The following ATG7 variants were observed in gnomAD, a reference collection of about 807,000 sequenced individuals.
ATG7 encodes ubiquitin-like modifier-activating enzyme ATG7.
A neutral mutation model predicts 82.4 loss-of-function variants in ATG7; 70 were observed. The observed-to-expected ratio is 0.85, with a 90% CI of 0.70 to 1.04. The LOEUF (loss-of-function observed/expected upper bound fraction) is 1.04. Among genes scored for constraint, ATG7 ranks in the 50% least tolerant of loss-of-function variants. The probability of loss-of-function intolerance (pLI) is 0.00; values close to 1 mark genes in which losing one functional copy is unlikely to be tolerated. For missense variants in ATG7, 792 were observed against 864.3 expected (o/e 0.92, Z 1.05); for synonymous variants, 287 against 313.0 (o/e 0.92, Z 0.88).
intron 5 of ATG7, among the ~76,000 whole-genome samples, chr3:11,300,644 A>G (rs536431067): frequency 6.6e-6 from 1 of 152,328 alleles, no homozygotes; most frequent in South Asian, 2.1e-4. Context: ...GAAAGAGAAT[A>G]AAGATAGTCT....
chr3:11,306,219 A>G (rs756309774), intron 5 of ATG7, among the ~76,000 whole-genome samples: 10 of 152,236 alleles, frequency 6.6e-5, no homozygotes, highest in Non-Finnish European at 1.2e-4. Flanking sequence ...GACAACCGTC[A>G]GGGGCTTGCC....
At chr3:11,352,314 G>A (rs1262866257) in intron 14 of ATG7, among the ~76,000 whole-genome samples, 1 of 152,190 alleles carries the variant, frequency 6.6e-6, no homozygotes, top group African/African-American at 2.4e-5. Flanking sequence ...ATAAACATAT[G>A]TGTGCATGTG....
At chr3:11,554,626 C>T (rs184016720) in intron 20 of ATG7, among the ~76,000 whole-genome samples, 185 bp from the exon 21 acceptor site, 42 of 152,296 alleles carry the variant, frequency 2.8e-4, no homozygotes, top group Non-Finnish European at 4.6e-4. Flanking sequence ...GGTTCACACA[C>T]TAGTGACGCC....
intron 3 of ATG7, among the ~76,000 whole-genome samples, chr3:11,298,179 A>T (rs1205548227): frequency 4.3e-5 from 6 of 139,248 alleles, no homozygotes; most frequent in East Asian, 2.2e-4. Context: ...CATCTCAATT[A>T]AAAAAAAAAA....
Position 11,555,175 on chromosome 3 carries a change from A to G in ATG7, c.*332A>G, listed in dbSNP as rs1387897348. On this transcript the variant is annotated 3_prime_UTR_variant, in exon 21 of 21. Coordinates refer to ENST00000693202, the MANE Select transcript of ATG7 (RefSeq NM_001349232.2). Reference sequence around the variant, plus strand: ...CCCTTGGCCCTGAGGGGGTGACCCAACACAGACCAAATGGGGAAATGAGCA... The same window carrying G: ...CCCTTGGCCCTGAGGGGGTGACCCAGCACAGACCAAATGGGGAAATGAGCA... 1 of 311,326 alleles carries G rather than the reference A, an allele frequency of 3.2e-6. No homozygotes were observed. The highest frequency in any genetic ancestry group is 5.9e-6 in the Non-Finnish European group (1 of 169,586). The allele number at this position is 311,326 out of a possible 1,614,324, so 19.3% of individuals were successfully genotyped here.
At chr3:11,426,956 A>G (rs559304663) in intron 20 of ATG7, 30 bp downstream of exon 20, 1 of 1,550,200 alleles carries the variant, frequency 6.5e-7, no homozygotes, top group Non-Finnish European at 8.7e-7. Flanking sequence ...TCTGTAGTGA[A>G]GACTGACATG....
intron 19 of ATG7, among the ~76,000 whole-genome samples, chr3:11,388,652 T>C (rs2078513130): frequency 6.6e-6 from 1 of 151,958 alleles, no homozygotes; most frequent in Non-Finnish European, 1.5e-5. Context: ...ATGGTCTGGA[T>C]CTCCTGACCT....
At chr3:11,379,372 T>C (rs908587226) in intron 18 of ATG7, among the ~76,000 whole-genome samples, 1 of 152,234 alleles carries the variant, frequency 6.6e-6, no homozygotes, top group Non-Finnish European at 1.5e-5. Context: ...GCTGATACTC[T>C]GGAAATGTAA....
intron 3 of ATG7, among the ~76,000 whole-genome samples, chr3:11,291,355 T>A (rs1396127788): frequency 6.6e-6 from 1 of 152,206 alleles, no homozygotes; most frequent in African/African-American, 2.4e-5. Context: ...TTTTTTAGCA[T>A]GTGTGAGGCT....
intron 18 of ATG7, among the ~76,000 whole-genome samples, chr3:11,379,268 AGCTTAAAGCTCCCCCT>A (rs1251320326): frequency 6.6e-6 from 1 of 152,216 alleles, no homozygotes; most frequent in Admixed American, 6.5e-5. Flanking sequence ...TATATAGAAC[AGCTTAAAGCTCCCCCT>A]TTGGTGTAAG....
chr3:11,559,404 G>A (rs1369837846), downstream of ATG7: 18 of 1,562,786 alleles, frequency 1.2e-5, no homozygotes, highest in Non-Finnish European at 1.4e-5. Flanking sequence ...CAGTGCGAGA[G>A]GTTGCAGTTG....
intron 19 of ATG7, among the ~76,000 whole-genome samples, chr3:11,397,356 A>C (rs1559536707): frequency 7.5e-6 from 1 of 134,206 alleles, no homozygotes; most frequent in Non-Finnish European, 1.6e-5. Flanking sequence ...CAATTACTTT[A>C]TAATAATTGG....
Position 11,469,988 on chromosome 3 carries a change from C to CAAAAAAAAAA in ATG7, c.2079+43074_2079+43083dup, listed in dbSNP as rs10628540. Among the ~76,000 whole-genome samples, 233 of 87,488 alleles carry CAAAAAAAAAA rather than the reference C, an allele frequency of 2.7e-3. 10 individuals carry two copies. The highest frequency in any genetic ancestry group is 5.3e-3 in the African/African-American group (110 of 20,904). 57.4% of individuals were successfully genotyped at this position (87,488 alleles called of 152,430 possible). A position where few individuals can be genotyped will look rare whatever the true frequency, so the allele number is the denominator to read the frequency against. On this transcript the variant is annotated intron_variant, in intron 20 of 20. Coordinates refer to ENST00000693202, the MANE Select transcript of ATG7 (RefSeq NM_001349232.2). ...TGGGTGACGGAACGAGACTCCATCT[C>CAAAAAAAAAA]AAAAAAAAAAAAAAAAAAAAAGAGA...
At chr3:11,437,333 G>A (rs1427598647) in intron 20 of ATG7, among the ~76,000 whole-genome samples, 2 of 152,134 alleles carry the variant, frequency 1.3e-5, no homozygotes, top group Non-Finnish European at 2.9e-5. Flanking sequence ...GCTATGGATA[G>A]CCTGTAAACA....
intron 20 of ATG7, among the ~76,000 whole-genome samples, chr3:11,482,567 T>C: frequency 6.6e-6 from 1 of 152,174 alleles, no homozygotes; most frequent in African/African-American, 2.4e-5. Flanking sequence ...AGGGTACAGT[T>C]GGGCCTTACT....
intron 19 of ATG7, among the ~76,000 whole-genome samples, chr3:11,425,282 G>A: frequency 6.6e-6 from 1 of 152,128 alleles, no homozygotes; most frequent in Admixed American, 6.5e-5. Flanking sequence ...GTTTCAGTAA[G>A]CATCCTTACA....
intron 3 of ATG7, among the ~76,000 whole-genome samples, chr3:11,290,035 G>A (rs1436706671): frequency 1.3e-5 from 2 of 152,106 alleles, no homozygotes; most frequent in Non-Finnish European, 2.9e-5. Flanking sequence ...TCACATCCTG[G>A]TAGCTGCAGT....
At chr3:11,408,074 T>A (rs1405942693) in intron 19 of ATG7, among the ~76,000 whole-genome samples, 2 of 152,228 alleles carry the variant, frequency 1.3e-5, no homozygotes, top group Non-Finnish European at 2.9e-5. Context: ...TTATGCTCTG[T>A]TTCCCTTTTG....
At chr3:11,476,740 T>C (rs998289363) in intron 20 of ATG7, among the ~76,000 whole-genome samples, 1 of 152,230 alleles carries the variant, frequency 6.6e-6, no homozygotes, top group Non-Finnish European at 1.5e-5. Context: ...TTTCATTTTT[T>C]TCCAAAGCAA....
Sources: gnomAD v4.1 joint callset for allele counts (sites outside exome capture counted in the v4.1 genomes callset) on GRCh38, gnomAD v4.1.1 for gene constraint, MANE v1.5 for transcripts, NCBI Gene and HGNC (gene_info 2026-07-23, HGNC 2026-07-21) for gene names.